Variants in FAM107B observed in about 807,000 individuals in gnomAD.
FAM107B encodes family with sequence similarity 107 member B, also known as protein FAM107B.
Under a neutral mutation model 31.5 loss-of-function variants are expected in FAM107B, and 21 were observed. That is an observed-to-expected ratio of 0.67 (90% CI 0.47 to 0.96). FAM107B has a LOEUF of 0.96. Ranked by LOEUF, FAM107B falls within the 40% of genes least tolerant of loss-of-function variation. FAM107B has a pLI of 0.00. For missense variants in FAM107B, 452 were observed against 377.1 expected (o/e 1.20, Z -1.64); for synonymous variants, 157 against 141.5 (o/e 1.11, Z -0.78).
chr10:14,572,762 A>ATATATATATATATATATATAT (rs1491218709), intron 2 of FAM107B, among the ~76,000 whole-genome samples: 12 of 66,030 alleles, frequency 1.8e-4, no homozygotes, highest in South Asian at 5.2e-4. Context: ...TATATATATT[A>ATATATATATATATATATATAT]GAGTGTGTGT....
chr10:14,723,209 G>C, intron 1 of FAM107B: 1 of 525,334 alleles, frequency 1.9e-6, no homozygotes, highest in Admixed American at 2.0e-5. Context: ...TCAGTGGCCT[G>C]AGCAGTGGGA....
chr10:14,659,064 T>A (rs1854150590), intron 2 of FAM107B, among the ~76,000 whole-genome samples: 1 of 151,730 alleles, frequency 6.6e-6, no homozygotes. Context: ...CCATAAAGAG[T>A]CTGGGGACCA....
intron 2 of FAM107B, among the ~76,000 whole-genome samples, chr10:14,570,670 C>T (rs112710067): frequency 1.4e-4 from 21 of 152,108 alleles, no homozygotes; most frequent in Middle Eastern, 3.4e-3. Context: ...GGCATGGTGG[C>T]GAGTTCCTGT....
chr10:14,738,736 G>A (rs1856367574), intron 1 of FAM107B, among the ~76,000 whole-genome samples: 1 of 152,194 alleles, frequency 6.6e-6, no homozygotes, highest in South Asian at 2.1e-4. Flanking sequence ...GGAAGGTAAG[G>A]AATTCGGACA....
At chr10:14,654,305 C>G (rs1300081148) in intron 2 of FAM107B, among the ~76,000 whole-genome samples, 1 of 152,186 alleles carries the variant, frequency 6.6e-6, no homozygotes, top group Non-Finnish European at 1.5e-5. Flanking sequence ...CAGTCATAAG[C>G]AGTTGAAATA....
In FAM107B at chr10:14,556,716, T is replaced by C. The variant is rs1328337274; in HGVS notation, c.470-26201A>G. ...TCTCAAAGATACCCAGATAGTTTTG[T>C]GGCTAAAACAAATATAGCACCCAGG... On this transcript the variant is annotated intron_variant, in intron 2 of 4. Coordinates refer to ENST00000181796, the MANE Select transcript of FAM107B (RefSeq NM_031453.4). Among the ~76,000 whole-genome samples the C allele has an allele frequency of 2.6e-5, 4 of 152,264 alleles. No homozygotes were observed. The East Asian group carries it at 7.7e-4, about 29-fold the overall frequency.
At chr10:14,606,396 A>T (rs1484118201) in intron 2 of FAM107B, among the ~76,000 whole-genome samples, 2 of 152,166 alleles carry the variant, frequency 1.3e-5, no homozygotes, top group Non-Finnish European at 2.9e-5. Context: ...ACTGTATCGT[A>T]AATATGTGCC....
At chr10:14,690,743 C>T (rs374383428) in intron 1 of FAM107B, among the ~76,000 whole-genome samples, 2 of 150,390 alleles carry the variant, frequency 1.3e-5, no homozygotes, top group Non-Finnish European at 3.0e-5. Flanking sequence ...TGAGCCACCA[C>T]GCCCGGCCAA....
chr10:14,590,757 G>A (rs1039008998), intron 2 of FAM107B, among the ~76,000 whole-genome samples: 14 of 151,672 alleles, frequency 9.2e-5, no homozygotes, highest in Non-Finnish European at 1.5e-4. Flanking sequence ...TGAGGCAGGC[G>A]GATCACCCAA....
At chr10:14,737,966 C>T (rs181820342) in intron 1 of FAM107B, among the ~76,000 whole-genome samples, 4 of 152,200 alleles carry the variant, frequency 2.6e-5, no homozygotes, top group African/African-American at 7.2e-5. Flanking sequence ...GGTCTCTAGG[C>T]GTTTCATTCC....
At chr10:14,664,265 A>G (rs1389111894) in intron 2 of FAM107B, among the ~76,000 whole-genome samples, 1 of 152,214 alleles carries the variant, frequency 6.6e-6, no homozygotes, top group Non-Finnish European at 1.5e-5. Context: ...CTTACATTTT[A>G]CTATTTAAAG....
chr10:14,555,011 T>TA (rs148962007), intron 2 of FAM107B, among the ~76,000 whole-genome samples: 18,035 of 152,256 alleles, frequency 0.12, 1,187 homozygotes, highest in Non-Finnish European at 0.16. Flanking sequence ...AGACCGAAAT[T>TA]ATTAGTTGTC....
chr10:14,570,233 G>GGT (rs57206586), intron 2 of FAM107B, among the ~76,000 whole-genome samples: 19,809 of 140,118 alleles, frequency 0.14, 1,428 homozygotes, highest in East Asian at 0.33. Context: ...AAATGTGGTG[G>GGT]GTGTGTGTGT....
intron 2 of FAM107B, among the ~76,000 whole-genome samples, chr10:14,585,232 G>A (rs941725443): frequency 1.3e-5 from 2 of 151,974 alleles, no homozygotes; most frequent in African/African-American, 2.4e-5. Context: ...TTGTTTGTGC[G>A]TTTTGTCCAA....
intron 2 of FAM107B, among the ~76,000 whole-genome samples, chr10:14,572,792 G>T (rs1851323852): frequency 7.8e-6 from 1 of 127,468 alleles, no homozygotes. Flanking sequence ...TTATGTATAG[G>T]TGTATGTAGA....
At chr10:14,624,884 C>G (rs902439027) in intron 2 of FAM107B, among the ~76,000 whole-genome samples, 1 of 152,148 alleles carries the variant, frequency 6.6e-6, no homozygotes, top group Non-Finnish European at 1.5e-5. Flanking sequence ...GGTAAGAACT[C>G]TGGTAATCCA....
chr10:14,678,457 T>C (rs147198121), intron 1 of FAM107B, among the ~76,000 whole-genome samples: 1 of 152,312 alleles, frequency 6.6e-6, no homozygotes, highest in Admixed American at 6.5e-5. Context: ...GAAACTTCCA[T>C]GTTCATGGCA....
At chr10:14,680,394 C>T (rs1025016083) in intron 1 of FAM107B, among the ~76,000 whole-genome samples, 24 of 151,770 alleles carry the variant, frequency 1.6e-4, no homozygotes, top group African/African-American at 4.6e-4. Flanking sequence ...ACCAACATGG[C>T]GAAACCTCAT....
chr10:14,724,267 G>A lies in FAM107B; in HGVS notation c.411+49986C>T, dbSNP rs112290063. Among the ~76,000 whole-genome samples the A allele has an allele frequency of 3.6e-3, 554 of 152,182 alleles. 2 individuals are homozygous for A. Among genetic ancestry groups the A allele is most frequent in the African/African-American group, 0.012 (517 of 41,526 alleles). ...TATTTAGGTCTTTGATACATTTGGGGGTAATTTTTGTATATAATGTGAGGT... is the reference window on the plus strand; with the variant it reads ...TATTTAGGTCTTTGATACATTTGGGAGTAATTTTTGTATATAATGTGAGGT... On this transcript the variant is annotated intron_variant, in intron 1 of 4. Transcript: ENST00000181796.
Sources: allele counts gnomAD v4.1 joint callset (sites outside exome capture counted in the v4.1 genomes callset), GRCh38; gene constraint gnomAD v4.1.1; transcripts MANE v1.5; gene names NCBI Gene and HGNC (gene_info 2026-07-23, HGNC 2026-07-21).